CREBRF: variants seen among roughly 807,000 people sequenced by gnomAD.
CREBRF encodes CREB3 regulatory factor.
In CREBRF, 5 loss-of-function variants were observed where a neutral mutation model predicts 66.1. The observed-to-expected ratio is 0.08, with a 90% confidence interval of 0.04 to 0.16. The LOEUF (loss-of-function observed/expected upper bound fraction) is 0.16, where lower values mean the gene tolerates loss of function less well. CREBRF is among the 10% of genes least tolerant of loss of function. CREBRF has a pLI of 1.00. For synonymous variants in CREBRF, 229 were observed against 264.4 expected, an observed-to-expected ratio of 0.87 and a Z score of 1.30; for missense variants, 531 against 744.9, an observed-to-expected ratio of 0.71 and a Z score of 3.34.
At chr5:173,126,692 A>C (rs1222314592) in intron 8 of CREBRF, among the ~76,000 whole-genome samples, 1 of 152,092 alleles carries the variant, frequency 6.6e-6, no homozygotes, top group South Asian at 2.1e-4. Flanking sequence ...TCTCATGTCC[A>C]TTACTTCCTT....
chr5:173,095,427 G>A (rs1376829357), intron 4 of CREBRF, among the ~76,000 whole-genome samples: 1 of 152,018 alleles, frequency 6.6e-6, no homozygotes, highest in Non-Finnish European at 1.5e-5. Flanking sequence ...CTGACCTCGT[G>A]ATCTGCCAGC....
At position 173,091,109 on chromosome 5, in the gene CREBRF, A is replaced by G. The variant is rs34710345; in HGVS notation, c.930A>G (p.Ser310=). 3.6e-3 allele frequency: 5,764 copies of G among 1,614,212 alleles called. 175 individuals carry two copies. In the African/African-American group the frequency reaches 0.066, roughly 18 times the overall value. ...CCCTGCCCCAGGAAGGTCCTGGGTC[A>G]CTTGCAGCAGGAGAGAGCAGCAGTC... ...LSPLPQEGPG[S]LAAGESSSLS... Residue 310 remains serine (S), a synonymous_variant, in exon 4 of 9, where the codon TCA becomes TCG. Transcript: ENST00000296953.
At chr5:173,076,291 T>G (rs1214935711) in intron 1 of CREBRF, among the ~76,000 whole-genome samples, 1 of 152,152 alleles carries the variant, frequency 6.6e-6, no homozygotes, top group Non-Finnish European at 1.5e-5. Context: ...ACCTACCTCT[T>G]AAAGGGTCCA....
At chr5:173,073,551 G>A (rs1464489036) in intron 1 of CREBRF, among the ~76,000 whole-genome samples, 1 of 152,196 alleles carries the variant, frequency 6.6e-6, no homozygotes, top group Admixed American at 6.6e-5. Flanking sequence ...CTTGTGCTCT[G>A]AACAACTTAA....
chr5:173,058,389 A>AG (rs1309118487), intron 1 of CREBRF, among the ~76,000 whole-genome samples: 3 of 152,184 alleles, frequency 2.0e-5, no homozygotes, highest in African/African-American at 7.2e-5. Context: ...TAGATCATGC[A>AG]GGGGCTAATC....
At chr5:173,066,149 G>A (rs568297591) in intron 1 of CREBRF, among the ~76,000 whole-genome samples, 15 of 152,102 alleles carry the variant, frequency 9.9e-5, no homozygotes, top group East Asian at 3.9e-4. Flanking sequence ...AAATTCTTGC[G>A]CACTATCTGC....
intron 2 of CREBRF, chr5:173,086,174 A>G: frequency 1.3e-6 from 1 of 774,778 alleles, no homozygotes; most frequent in South Asian, 1.3e-5. Context: ...TGCCAACAGC[A>G]CCATCACCCA....
intron 1 of CREBRF, chr5:173,060,528 C>G (rs891898311): frequency 2.0e-5 from 3 of 151,992 alleles, no homozygotes; most frequent in African/African-American, 4.8e-5. Context: ...ACCGTGCCCC[C>G]TCTAGTTATG....
At chr5:173,124,554 T>A (rs1759216074) in intron 8 of CREBRF, 1 of 131,116 alleles carries the variant, frequency 7.6e-6, no homozygotes, top group African/African-American at 2.9e-5. Context: ...AGCAAAACTC[T>A]GTCTCAAAAA....
chr5:173,132,434 TCCCCTCCCCTCC>T lies in CREBRF; in HGVS notation c.1805-1193_1805-1182del, dbSNP rs1561585591. 5.9e-3 allele frequency among the ~76,000 whole-genome samples: 3 copies of T among 508 alleles called. 1 individual carries two copies. The highest frequency in any genetic ancestry group is 0.022 in the African/African-American group (3 of 134). The allele number at this position is 508 out of a possible 152,430, so 0.3% of individuals were successfully genotyped here. A position where few individuals can be genotyped will look rare whatever the true frequency, so the allele number is the denominator to read the frequency against. The stretch of plus-strand genomic sequence containing the variant: ...TCCCCTCCCCTCCCCTCCCCTCCCC[TCCCCTCCCCTCC>T]CCTCCCCCCCTCCCCTCCCCTCCCC... On this transcript the variant is annotated intron_variant, in intron 8 of 8. Coordinates refer to ENST00000296953, the MANE Select transcript of CREBRF (RefSeq NM_153607.3).
chr5:173,075,263 C>T (rs1039498219), intron 1 of CREBRF, among the ~76,000 whole-genome samples: 1 of 152,128 alleles, frequency 6.6e-6, no homozygotes, highest in African/African-American at 2.4e-5. Context: ...GTCTAGAGAA[C>T]TGCTATCAAA....
intron 7 of CREBRF, among the ~76,000 whole-genome samples, chr5:173,113,619 C>A (rs1040251098): frequency 2.6e-5 from 4 of 152,164 alleles, no homozygotes; most frequent in African/African-American, 9.7e-5. Flanking sequence ...CAAGATTATT[C>A]TTAATGGAAC....
chr5:173,117,646 C>CT (rs1491498291), intron 7 of CREBRF, among the ~76,000 whole-genome samples: 48 of 39,190 alleles, frequency 1.2e-3, no homozygotes, highest in Non-Finnish European at 2.9e-3. Context: ...TCCTTCTCTC[C>CT]TCTCTCTCTC....
At chr5:173,082,214 C>T (rs146716796) in intron 2 of CREBRF, among the ~76,000 whole-genome samples, 5,663 of 151,688 alleles carry the variant, frequency 0.037, 135 homozygotes, top group South Asian at 0.091. Flanking sequence ...GGGGTTTCAC[C>T]GTGTCAGCCA....
chr5:173,083,529 T>C (rs1449161998), intron 2 of CREBRF, among the ~76,000 whole-genome samples: 2 of 152,168 alleles, frequency 1.3e-5, no homozygotes, highest in Non-Finnish European at 2.9e-5. Flanking sequence ...AAGGAGATTT[T>C]TGGGTATTTA....
chr5:173,090,337 A>G lies in CREBRF; in HGVS notation c.158A>G (p.Gln53Arg), dbSNP rs1008740292. Reference sequence around the variant, plus strand: ...CAGGATAGAGAGATGAACTACCAACAGAATCCTAGAGACAACTTTCTTTCT... The same window carrying G: ...CAGGATAGAGAGATGAACTACCAACGGAATCCTAGAGACAACTTTCTTTCT... Reference protein sequence around the residue: ...YELDREMNYQQNPRDNFLSLE... With the variant: ...YELDREMNYQRNPRDNFLSLE... Residue 53 changes from glutamine to arginine, a missense_variant, in exon 4 of 9, where the codon CAG becomes CGG. Physicochemically the swap from Gln to Arg is conservative, Grantham distance 43. Transcript: ENST00000296953. This position sits in a 1 kb window ranked among gnomAD's most constrained non-coding sequence, Gnocchi z 4.5. The G allele has an allele frequency of 1.3e-6, 2 of 1,598,104 alleles. No individual in the cohort carries two copies. The highest frequency in any genetic ancestry group is 1.7e-6 in the Non-Finnish European group (2 of 1,166,738).
intron 2 of CREBRF, chr5:173,085,372 G>T: frequency 7.9e-7 from 1 of 1,267,216 alleles, no homozygotes; most frequent in Non-Finnish European, 1.1e-6. Context: ...CTTCGATCCT[G>T]GAGGCTCCAG....
intron 1 of CREBRF, among the ~76,000 whole-genome samples, chr5:173,058,173 A>G (rs1284929255): frequency 1.3e-5 from 2 of 152,152 alleles, no homozygotes; most frequent in Non-Finnish European, 2.9e-5. Flanking sequence ...AGAGGCAGGG[A>G]AAAATGGTAT....
intron 4 of CREBRF, among the ~76,000 whole-genome samples, chr5:173,103,600 C>T (rs1292671291): frequency 6.6e-6 from 1 of 152,168 alleles, no homozygotes; most frequent in Non-Finnish European, 1.5e-5. Flanking sequence ...TTTCTTGGCA[C>T]TTGGCTACAA....
Sources: gnomAD v4.1 joint callset for allele counts (sites outside exome capture counted in the v4.1 genomes callset) on GRCh38, gnomAD v4.1.1 for gene constraint, Gnocchi (gnomAD v3.1) non-coding constraint, MANE v1.5 for transcripts, NCBI Gene and HGNC (gene_info 2026-07-23, HGNC 2026-07-21) for gene names.